The following SPHKAP variants were observed in gnomAD, a reference collection of about 807,000 sequenced individuals.
SPHKAP encodes A-kinase anchor protein SPHKAP.
In SPHKAP, 67 loss-of-function variants were observed where a neutral mutation model predicts 137.5. The ratio of observed to expected loss-of-function variants is 0.49; its 90% CI spans 0.40 to 0.60. The LOEUF (loss-of-function observed/expected upper bound fraction) is 0.60, where lower values mean the gene tolerates loss of function less well. Among genes scored for constraint, SPHKAP ranks in the 20% least tolerant of loss-of-function variants. The probability of loss-of-function intolerance (pLI) is 0.00; values close to 1 mark genes in which losing one functional copy is unlikely to be tolerated. For synonymous variants in SPHKAP, 813 were observed against 785.3 expected, an observed-to-expected ratio of 1.04 and a Z score of -0.59; for missense variants, 2,097 against 2,069.3, an observed-to-expected ratio of 1.01 and a Z score of -0.26.
intron 3 of SPHKAP, among the ~76,000 whole-genome samples, chr2:228,083,651 C>T (rs926502672): frequency 4.6e-5 from 7 of 152,090 alleles, no homozygotes; most frequent in African/African-American, 1.4e-4. Context: ...TATTGCAGCA[C>T]TATTCACAAT....
intron 8 of SPHKAP, among the ~76,000 whole-genome samples, chr2:227,995,229 T>C (rs1693589580): frequency 6.6e-6 from 1 of 152,192 alleles, no homozygotes; most frequent in African/African-American, 2.4e-5. Context: ...TTTAAAAACA[T>C]TTACAGTTGT....
At chr2:228,097,833 G>A (rs1269357720) in intron 3 of SPHKAP, among the ~76,000 whole-genome samples, 5 of 152,146 alleles carry the variant, frequency 3.3e-5, no homozygotes, top group Admixed American at 3.3e-4. Context: ...TTATAGCTGT[G>A]TAGTATTCCG....
chr2:227,996,782 C>T (rs1479031284), intron 7 of SPHKAP, among the ~76,000 whole-genome samples: 1 of 152,184 alleles, frequency 6.6e-6, no homozygotes, highest in East Asian at 1.9e-4. Context: ...TTGCCCTTTA[C>T]ATTCAATAAA....
chr2:228,173,308 A>G (rs1163014130), intron 1 of SPHKAP, among the ~76,000 whole-genome samples: 1 of 152,234 alleles, frequency 6.6e-6, no homozygotes, highest in Non-Finnish European at 1.5e-5. Context: ...TAGACTGAAT[A>G]ATTAACTCCC....
chr2:228,047,457 A>T, intron 3 of SPHKAP, among the ~76,000 whole-genome samples: 1 of 147,036 alleles, frequency 6.8e-6, no homozygotes, highest in African/African-American at 2.5e-5. Flanking sequence ...CAAGAGCAAA[A>T]CTCCATCTCA....
At chr2:228,053,397 A>G (rs183343335) in intron 3 of SPHKAP, among the ~76,000 whole-genome samples, 4 of 152,348 alleles carry the variant, frequency 2.6e-5, no homozygotes, top group Admixed American at 2.6e-4. Flanking sequence ...TCTACAATGT[A>G]TAGGTTGTAC....
At chr2:228,059,666 A>G (rs1696570088) in intron 3 of SPHKAP, among the ~76,000 whole-genome samples, 1 of 152,240 alleles carries the variant, frequency 6.6e-6, no homozygotes, top group African/African-American at 2.4e-5. Flanking sequence ...AAATACAGCA[A>G]AAAGCATTCA....
At chr2:228,079,690 G>C (rs1697297994) in intron 3 of SPHKAP, among the ~76,000 whole-genome samples, 1 of 152,196 alleles carries the variant, frequency 6.6e-6, no homozygotes, top group South Asian at 2.1e-4. Flanking sequence ...AGCCCCTGTG[G>C]ACCTAGGGTT....
chr2:228,040,773 A>C (rs1216165195), intron 3 of SPHKAP, among the ~76,000 whole-genome samples: 1 of 152,174 alleles, frequency 6.6e-6, no homozygotes, highest in Non-Finnish European at 1.5e-5. Context: ...ACTCAAGATA[A>C]TTGTCTATTT....
rs11336381 is a variant in SPHKAP at position 228,093,859 on chromosome 2, C to CAAA, written c.246+14970_246+14972dup. Among the ~76,000 whole-genome samples the CAAA allele has an allele frequency of 9.8e-3, 756 of 77,208 alleles. 56 individuals are homozygous for CAAA. The highest frequency in any genetic ancestry group is 0.014 in the East Asian group (33 of 2,436). The allele number at this position is 77,208 out of a possible 152,430, so 50.7% of individuals were successfully genotyped here. A position where few individuals can be genotyped will look rare whatever the true frequency, so the allele number is the denominator to read the frequency against. On this transcript the variant is annotated intron_variant, in intron 3 of 11. Transcript: ENST00000392056. The stretch of plus-strand genomic sequence containing the variant: ...TGGGCGACAGGGCAAGACTCCGTTT[C>CAAA]AAAAAAAAAAAAAAAAAAAAAAAAA...
In SPHKAP at chr2:228,108,855, C is replaced by CTT; in HGVS notation, c.221_222dup (p.Asp75LysfsTer13). The CTT allele has an allele frequency of 1.9e-6, 3 of 1,610,100 alleles. No individual in the cohort carries two copies. The highest frequency in any genetic ancestry group is 2.5e-6 in the Non-Finnish European group (3 of 1,179,040). On this transcript the variant is annotated frameshift_variant, in exon 3 of 12. Transcript: ENST00000392056. LOFTEE classifies it high-confidence loss of function. Reference sequence around the variant, plus strand: ...ACAGAAGCACAGTTTTCAGACTTGTCTTCTACAAAACCAATTTGGCAGGGC... The same window carrying CTT: ...ACAGAAGCACAGTTTTCAGACTTGTCTTTTCTACAAAACCAATTTGGCAGGGC...
intron 7 of SPHKAP, among the ~76,000 whole-genome samples, chr2:228,006,789 G>C (rs1419849153): frequency 6.6e-6 from 1 of 152,162 alleles, no homozygotes; most frequent in Non-Finnish European, 1.5e-5. Context: ...GTCTGTTGGA[G>C]TTTGCTGGAG....
chr2:228,137,936 C>T (rs1345587471), intron 1 of SPHKAP, among the ~76,000 whole-genome samples: 1 of 152,196 alleles, frequency 6.6e-6, no homozygotes, highest in East Asian at 1.9e-4. Context: ...TTGTTTTAAA[C>T]ATCACGTGAG....
chr2:228,073,596 C>T (rs188155672), intron 3 of SPHKAP, among the ~76,000 whole-genome samples: 4 of 152,316 alleles, frequency 2.6e-5, no homozygotes, highest in Non-Finnish European at 5.9e-5. Flanking sequence ...CCTGACACTT[C>T]AGGAATCTTT....
intron 11 of SPHKAP, among the ~76,000 whole-genome samples, chr2:227,985,363 T>G (rs1020463286): frequency 2.0e-5 from 3 of 152,048 alleles, no homozygotes; most frequent in African/African-American, 7.2e-5. Context: ...TTTTCTTCCA[T>G]TAAAAAAAGG....
intron 2 of SPHKAP, among the ~76,000 whole-genome samples, chr2:228,112,437 G>A (rs142287233): frequency 1.6e-3 from 250 of 152,148 alleles, no homozygotes; most frequent in African/African-American, 5.7e-3. Flanking sequence ...TAATACCATG[G>A]TTACAACAAA....
rs1032593025 is a variant in SPHKAP at position 227,980,504 on chromosome 2, T to C, written c.*1213A>G. On this transcript the variant is annotated 3_prime_UTR_variant, in exon 12 of 12. Coordinates refer to ENST00000392056, the MANE Select transcript of SPHKAP (RefSeq NM_001142644.2). ...TAAAAGTCCGTGTAGGTCATTTAGT[T>C]GGAAGGAAAGAAGACTTATTAGGGA... 6.6e-6 allele frequency: 1 copy of C among 152,226 alleles called. No homozygotes were observed. Among genetic ancestry groups the C allele is most frequent in the Admixed American group, 6.5e-5 (1 of 15,280 alleles). 9.4% of individuals were successfully genotyped at this position (152,226 alleles called of 1,614,324 possible).
rs182575611 is a variant in SPHKAP, at chr2:228,111,185, T to C, written c.139-2246A>G. On this transcript the variant is annotated intron_variant, in intron 2 of 11. Transcript: ENST00000392056. ...ATGCCTTTCCCTTGTATTTCAGGCA[T>C]AGAATAGAGTTTAAGAGCATCAACA... Among the ~76,000 whole-genome samples the C allele has an allele frequency of 2.1e-4, 32 of 152,304 alleles. 1 individual carries two copies. The East Asian group carries it at 5.4e-3, about 26-fold the overall frequency.
At position 228,016,636 on chromosome 2, in the gene SPHKAP, G is replaced by C. The variant is rs1300375641; in HGVS notation, c.4218C>G (p.Ser1406=). The change falls in exon 7 of 12, where the codon TCC becomes TCG. Residue 1406 remains serine (S), a synonymous_variant. Transcript: ENST00000392056. ...HSPLDSKKET[S]SCQDPVPINH... is the part of the protein sequence containing the mutation. ...TTATTGGTACAGGGTCCTGGCACGAGGAAGTTTCTTTTTTAGAATCTAAAG... is the reference window on the plus strand; with the variant it reads ...TTATTGGTACAGGGTCCTGGCACGACGAAGTTTCTTTTTTAGAATCTAAAG... 1 of 1,613,582 alleles carries C rather than the reference G, an allele frequency of 6.2e-7. No individual in the cohort carries two copies. Among genetic ancestry groups the C allele is most frequent in the African/African-American group, 1.3e-5 (1 of 74,810 alleles).
Sources: allele counts gnomAD v4.1 joint callset (sites outside exome capture counted in the v4.1 genomes callset), GRCh38; gene constraint gnomAD v4.1.1; transcripts MANE v1.5; gene names NCBI Gene and HGNC (gene_info 2026-07-23, HGNC 2026-07-21).